NF1: variants seen among roughly 807,000 people sequenced by gnomAD.
The protein encoded by NF1 is neurofibromin 1.
A neutral mutation model predicts 325.7 loss-of-function variants in NF1; 122 were observed. The ratio of observed to expected loss-of-function variants is 0.37; its 90% CI spans 0.32 to 0.44. NF1 has a LOEUF of 0.44. Among genes scored for constraint, NF1 ranks in the 20% least tolerant of loss-of-function variants. NF1 has a pLI of 1.00. For missense variants in NF1, 2,140 were observed against 3,415.4 expected (o/e 0.63, Z 9.31); for synonymous variants, 1,091 against 1,186.0 (o/e 0.92, Z 1.65).
At chr17:31,110,911 C>CA (rs1051151002) in intron 1 of NF1, among the ~76,000 whole-genome samples, 48 of 151,430 alleles carry the variant, frequency 3.2e-4, no homozygotes, top group Non-Finnish European at 6.5e-4. Context: ...AAAACAAAAA[C>CA]AAAAAAAACC....
At chr17:31,308,899 C>T (rs961201288) in intron 36 of NF1, among the ~76,000 whole-genome samples, 2 of 152,198 alleles carry the variant, frequency 1.3e-5, no homozygotes, top group Non-Finnish European at 2.9e-5. Flanking sequence ...TTCACATTTT[C>T]CTATACCTAC....
At chr17:31,289,577 A>G (rs531459252) in intron 36 of NF1, among the ~76,000 whole-genome samples, 77 of 152,182 alleles carry the variant, frequency 5.1e-4, no homozygotes, top group African/African-American at 9.6e-4. Flanking sequence ...ACATGGTTCT[A>G]TGTCCTATAA....
chr17:31,154,732 C>CTTTTTTTTTTTTTT (rs71142026), intron 1 of NF1, among the ~76,000 whole-genome samples: 1 of 103,394 alleles, frequency 9.7e-6, no homozygotes, highest in African/African-American at 3.7e-5. Flanking sequence ...TTAGTATTTC[C>CTTTTTTTTTTTTTT]TTTTTTTTTT....
Position 31,357,084 on chromosome 17 carries a change from T to C in NF1, c.7863T>C (p.Thr2621=), listed in dbSNP as rs2151582545. 6.2e-7 allele frequency: 1 copy of C among 1,613,538 alleles called. No individual in the cohort carries two copies. Among genetic ancestry groups the C allele is most frequent in the Non-Finnish European group, 8.5e-7 (1 of 1,179,950 alleles). ...CGAAGATCCAGGCGCTGCTTCTTACTGTTCTAGTAAGGATTTCCCCTTTTT... is the reference window on the plus strand; with the variant it reads ...CGAAGATCCAGGCGCTGCTTCTTACCGTTCTAGTAAGGATTTCCCCTTTTT... The part of the protein sequence containing the change: ...TDPKIQALLL[T]VLATLVKYTT... Residue 2621 remains threonine, a synonymous_variant, in exon 53 of 58, where the codon ACT becomes ACC. Transcript: ENST00000358273.
chr17:31,320,544 A>G (rs2069159161), intron 36 of NF1: 1 of 906,796 alleles, frequency 1.1e-6, no homozygotes, highest in Non-Finnish European at 1.7e-6. Flanking sequence ...AAAATAAGAA[A>G]TGTGATACGT....
At chr17:31,367,366 T>G in intron 57 of NF1, 2 of 866,842 alleles carry the variant, frequency 2.3e-6, no homozygotes, top group Non-Finnish European at 3.3e-6. Flanking sequence ...TACTCACCGG[T>G]CCCTGTAAGC....
chr17:31,247,337 A>G (rs2067412329), intron 29 of NF1, among the ~76,000 whole-genome samples: 2 of 152,202 alleles, frequency 1.3e-5, no homozygotes, highest in Admixed American at 6.5e-5. Context: ...GATAAGACAT[A>G]AGAGTACGAG....
At chr17:31,356,733 C>T in intron 52 of NF1, 151 bp downstream of exon 52, 1 of 1,220,040 alleles carries the variant, frequency 8.2e-7, no homozygotes, top group Non-Finnish European at 1.1e-6. Flanking sequence ...CCATTCAAGA[C>T]AGTTATCTTG....
At chr17:31,139,439 G>A (rs1432279622) in intron 1 of NF1, among the ~76,000 whole-genome samples, 2 of 151,704 alleles carry the variant, frequency 1.3e-5, no homozygotes, top group Non-Finnish European at 2.9e-5. Flanking sequence ...GGATGTGTCA[G>A]TTGATCGTGG....
Position 31,338,067 on chromosome 17 carries a change from T to A in NF1, c.6747T>A (p.Leu2249=), listed in dbSNP as rs2151558163. 1 of 1,613,966 alleles carries A rather than the reference T, an allele frequency of 6.2e-7. No homozygotes were observed. The highest frequency in any genetic ancestry group is 8.5e-7 in the Non-Finnish European group (1 of 1,179,870). The change falls in exon 45 of 58, where the codon CTT becomes CTA. Residue 2249 remains leucine, a synonymous_variant. Coordinates refer to ENST00000358273, the MANE Select transcript of NF1 (RefSeq NM_001042492.3). ...QYNPSLQPRA[L]VVFGCISKRV... is the part of the protein sequence containing the mutation. Reference sequence around the variant, plus strand: ...ATCCATCCCTGCAACCAAGAGCTCTTGTTGTCTTTGGGTGTATTAGCAAAC... The same window carrying A: ...ATCCATCCCTGCAACCAAGAGCTCTAGTTGTCTTTGGGTGTATTAGCAAAC...
chr17:31,144,037 A>G (rs1180083282), intron 1 of NF1, among the ~76,000 whole-genome samples: 1 of 151,850 alleles, frequency 6.6e-6, no homozygotes, highest in Non-Finnish European at 1.5e-5. Context: ...ATTAGTCAGG[A>G]TGATCTTGAT....
chr17:31,200,391 A>G, intron 8 of NF1, 31 bp from the exon 9 acceptor site: 1 of 1,609,284 alleles, frequency 6.2e-7, no homozygotes, highest in Non-Finnish European at 8.5e-7. Context: ...AACTTCATAT[A>G]TTATCTTATC....
chr17:31,287,170 AT>A (rs2068244166), intron 36 of NF1, among the ~76,000 whole-genome samples: 1 of 152,204 alleles, frequency 6.6e-6, no homozygotes, highest in Non-Finnish European at 1.5e-5. Context: ...ATGAGAAATT[AT>A]TTACTATTAC....
At chr17:31,222,217 T>C (rs1597707211) in intron 15 of NF1, 2 of 1,100,960 alleles carry the variant, frequency 1.8e-6, no homozygotes, top group Non-Finnish European at 1.1e-6. Context: ...ATGTGGTTAC[T>C]ACTGTATTTT....
At chr17:31,167,509 C>T (rs1435317373) in intron 4 of NF1, among the ~76,000 whole-genome samples, 2 of 152,194 alleles carry the variant, frequency 1.3e-5, no homozygotes, top group African/African-American at 4.8e-5. Context: ...CAAGTTAATA[C>T]ATATAAATTA....
rs1597866487 is a variant in NF1, at chr17:31,357,043, G to C, written c.7822G>C (p.Glu2608Gln). ...VSESNVLLDEEVLTDPKIQAL... is the reference protein window; with the variant it reads ...VSESNVLLDEQVLTDPKIQAL... ...TGAATCAAATGTTCTCTTGGATGAA[G>C]AAGTACTTACTGATCCGAAGATCCA... is the stretch of plus-strand genomic sequence containing the variant. The change falls in exon 53 of 58, where the codon GAA becomes CAA. Residue 2608 changes from glutamate to glutamine, a missense_variant. Transcript: ENST00000358273. 7 of 1,613,812 alleles carry C rather than the reference G, an allele frequency of 4.3e-6. No homozygotes were observed. The East Asian group carries it at 1.3e-4, about 31-fold the overall frequency.
intron 36 of NF1, chr17:31,297,205 AG>A (rs1279735571): frequency 1.3e-5 from 2 of 152,216 alleles, no homozygotes; most frequent in Admixed American, 1.3e-4. Context: ...GGAAACTTAA[AG>A]GTCGTCTTGT....
intron 29 of NF1, among the ~76,000 whole-genome samples, chr17:31,243,184 C>CTGTGTGTGTGGGTGTGTGTGTG (rs2067331607): frequency 7.3e-6 from 1 of 137,476 alleles, no homozygotes; most frequent in African/African-American, 3.0e-5. Flanking sequence ...CTCTCTCTGT[C>CTGTGTGTGTGGGTGTGTGTGTG]TGTGTGTGTG....
chr17:31,146,074 T>C (rs1265678422), intron 1 of NF1, among the ~76,000 whole-genome samples: 1 of 152,176 alleles, frequency 6.6e-6, no homozygotes. Flanking sequence ...ACACACAAAA[T>C]TACTATCTTA....
Sources: allele counts gnomAD v4.1 joint callset (sites outside exome capture counted in the v4.1 genomes callset), GRCh38; gene constraint gnomAD v4.1.1; transcripts MANE v1.5; gene names NCBI Gene and HGNC (gene_info 2026-07-23, HGNC 2026-07-21).